DENND10: variants seen among roughly 807,000 people sequenced by gnomAD.
The protein encoded by DENND10 is DENN domain containing 10.
Under a neutral mutation model 43.6 loss-of-function variants are expected in DENND10, and 24 were observed. The ratio of observed to expected loss-of-function variants is 0.55; its 90% confidence interval spans 0.40 to 0.77. The LOEUF is 0.77. Among genes scored for constraint, DENND10 ranks in the 30% least tolerant of loss-of-function variants. The probability of loss-of-function intolerance (pLI) is 0.00; values close to 1 mark genes in which losing one functional copy is unlikely to be tolerated. For missense variants in DENND10, 303 were observed against 429.9 expected (o/e 0.70, Z 2.61); for synonymous variants, 125 against 157.6 (o/e 0.79, Z 1.55).
chr10:119,114,066 C>T (rs113998036), intron 3 of DENND10: 4 of 152,180 alleles, frequency 2.6e-5, no homozygotes, highest in Non-Finnish European at 5.9e-5. Context: ...TTGCTTCAGA[C>T]CCCACTTCCT....
At chr10:119,131,058 T>C (rs188870113) in intron 7 of DENND10, among the ~76,000 whole-genome samples, 1 of 152,356 alleles carries the variant, frequency 6.6e-6, no homozygotes, top group East Asian at 1.9e-4. Context: ...ATGGAAAATC[T>C]TTTTGAAGCA....
At chr10:119,124,662 G>C (rs1845747146) in intron 6 of DENND10, among the ~76,000 whole-genome samples, 1 of 152,084 alleles carries the variant, frequency 6.6e-6, no homozygotes, top group Admixed American at 6.6e-5. Flanking sequence ...GGGATTACAG[G>C]TGTCAGCTGC....
rs1554883524 is a variant in DENND10, at chr10:119,135,803, A to AAAAAC, written c.898-664_898-663insCAAAA. Among the ~76,000 whole-genome samples the AAAAAC allele has an allele frequency of 2.0e-5, 3 of 149,788 alleles. No individual in the cohort carries two copies. In the East Asian group the frequency reaches 5.8e-4, roughly 29 times the overall value. On this transcript the variant is annotated intron_variant, in intron 8 of 8. Transcript: ENST00000361432. ...ATGACTAAAATTGTAAAAAAAAAAA[A>AAAAAC]AAAAAAAAAAAAACCAAAACCACAC...
chr10:119,113,690 CAA>C (rs11447508), intron 3 of DENND10, among the ~76,000 whole-genome samples: 1 of 141,358 alleles, frequency 7.1e-6, no homozygotes, highest in African/African-American at 2.6e-5. Flanking sequence ...CCAAAAGAAG[CAA>C]AAAAAAAAAA....
At chr10:119,112,908 G>C (rs1845045761) in intron 3 of DENND10, among the ~76,000 whole-genome samples, 2 of 151,638 alleles carry the variant, frequency 1.3e-5, no homozygotes, top group South Asian at 4.2e-4. Flanking sequence ...GGAGTGCAGT[G>C]GGGCGATCTT....
chr10:119,123,603 C>A, intron 6 of DENND10, 34 bp downstream of exon 6: 89 of 1,183,186 alleles, frequency 7.5e-5, no homozygotes, highest in Non-Finnish European at 8.9e-5. Flanking sequence ...GGAACTGTTT[C>A]ACTTTTTTTT....
chr10:119,130,115 A>G lies in DENND10; in HGVS notation c.802+493A>G, dbSNP rs1419240567. Among the ~76,000 whole-genome samples the G allele has an allele frequency of 2.7e-5, 4 of 145,830 alleles. No individual in the cohort carries two copies. The East Asian group carries it at 8.0e-4, about 29-fold the overall frequency. ...TGCCTCCCGGGTTCAGGTGATTGTC[A>G]TGTCTCAGCCTCCCGAGTAGTTGGG... On this transcript the variant is annotated intron_variant, in intron 7 of 8. Transcript: ENST00000361432.
chr10:119,110,278 T>A (rs1226958295), intron 2 of DENND10, among the ~76,000 whole-genome samples: 1 of 151,864 alleles, frequency 6.6e-6, no homozygotes, highest in African/African-American at 2.4e-5. Context: ...ATCAAGCGAT[T>A]CTTGTGCCTC....
chr10:119,136,445 G>A (rs2133548566), intron 8 of DENND10, 26 bp from the exon 9 acceptor site: 1 of 1,586,658 alleles, frequency 6.3e-7, no homozygotes, highest in Non-Finnish European at 8.5e-7. Flanking sequence ...CTAACATGTT[G>A]CATATATTTT....
At chr10:119,104,761 T>C (rs1411295210) in intron 1 of DENND10, 1 of 152,298 alleles carries the variant, frequency 6.6e-6, no homozygotes, top group Admixed American at 6.5e-5. Context: ...TGTCTCCTTT[T>C]AGCTCTCACC....
At chr10:119,135,469 G>C (rs984366124) in intron 8 of DENND10, among the ~76,000 whole-genome samples, 3 of 152,104 alleles carry the variant, frequency 2.0e-5, no homozygotes, top group African/African-American at 2.4e-5. Context: ...CTTTTGTTGG[G>C]GGGGAGAAAA....
intron 8 of DENND10, among the ~76,000 whole-genome samples, chr10:119,135,668 G>A (rs1846295853): frequency 6.6e-6 from 1 of 151,754 alleles, no homozygotes; most frequent in Admixed American, 6.6e-5. Context: ...TGGGGTTATT[G>A]TGTAATGGGT....
rs367836571 is a variant in DENND10 at position 119,135,791 on chromosome 10, TAAAAA to T, written c.898-659_898-655del. ...TACACTCAGAAAATGACTAAAATTG[TAAAAA>T]AAAAAAAAAAAAAAAAAAAACCAAA... On this transcript the variant is annotated intron_variant, in intron 8 of 8. Transcript: ENST00000361432. Among the ~76,000 whole-genome samples the T allele has an allele frequency of 4.4e-4, 28 of 64,022 alleles. 3 individuals are homozygous for T. Among genetic ancestry groups the T allele is most frequent in the South Asian group, 1.7e-3 (2 of 1,182 alleles). 42.0% of individuals were successfully genotyped at this position (64,022 alleles called of 152,430 possible).
chr10:119,104,205 C>T lies in DENND10; in HGVS notation c.55+8C>T. On this transcript the variant is annotated splice_region_variant and intron_variant, in intron 1 of 8. Coordinates refer to ENST00000361432, the MANE Select transcript of DENND10 (RefSeq NM_207009.4). Reference sequence around the variant, plus strand: ...TTGGAGTCGGGCTGATCGGTGAGGACGTAGGCGCCCTGCCTGGAAGCCCGC... The same window carrying T: ...TTGGAGTCGGGCTGATCGGTGAGGATGTAGGCGCCCTGCCTGGAAGCCCGC... The T allele has an allele frequency of 6.6e-7, 1 of 1,513,368 alleles. No homozygotes were observed. The highest frequency in any genetic ancestry group is 8.8e-7 in the Non-Finnish European group (1 of 1,131,766). The allele number at this position is 1,513,368 out of a possible 1,614,324, so 93.7% of individuals were successfully genotyped here. A position where few individuals can be genotyped will look rare whatever the true frequency, so the allele number is the denominator to read the frequency against.
In DENND10 at chr10:119,115,382, A is replaced by ATTTTTT. The variant is rs397845392; in HGVS notation, c.333-2119_333-2114dup. On this transcript the variant is annotated intron_variant, in intron 3 of 8. Coordinates refer to ENST00000361432, the MANE Select transcript of DENND10 (RefSeq NM_207009.4). ...CGTCAAGTTGTGAATTGAATTGGTA[A>ATTTTTT]TTTTTTTTTTTTTTTTTTTTTTTGA... Among the ~76,000 whole-genome samples, 24 of 48,418 alleles carry ATTTTTT rather than the reference A, an allele frequency of 5.0e-4. 2 individuals carry two copies. The highest frequency in any genetic ancestry group is 1.6e-3 in the East Asian group (2 of 1,244). The allele number at this position is 48,418 out of a possible 152,430, so 31.8% of individuals were successfully genotyped here.
rs755089299 is a variant in DENND10 at position 119,111,869 on chromosome 10, C to T, written c.273C>T (p.Val91=). Residue 91 remains valine, a synonymous_variant, in exon 3 of 9, where the codon GTC becomes GTT. Coordinates refer to ENST00000361432, the MANE Select transcript of DENND10 (RefSeq NM_207009.4). ...ILKKVTHFSI[V]LTAKDFNPEK... ...AACAGGTGACTCATTTTTCTATTGT[C>T]CTGACCGCCAAAGATTTTAACCCAG... 6.8e-6 allele frequency: 11 copies of T among 1,613,072 alleles called. No homozygotes were observed. In the East Asian group the frequency reaches 2.5e-4, roughly 36 times the overall value.
rs781720349 is a variant in DENND10 at position 119,107,913 on chromosome 10, A to G, written c.56-55A>G. The G allele has an allele frequency of 6.4e-5, 97 of 1,518,174 alleles. 1 individual carries two copies. The South Asian group carries it at 1.0e-3, about 16-fold the overall frequency. 94.0% of individuals were successfully genotyped at this position (1,518,174 alleles called of 1,614,324 possible). ...CTAAGTGTTTCTGAGTAACCAATCAATTCACTTCCTTGCTGCTGTTTGACA... is the reference window on the plus strand; with the variant it reads ...CTAAGTGTTTCTGAGTAACCAATCAGTTCACTTCCTTGCTGCTGTTTGACA... On this transcript the variant is annotated intron_variant, in intron 1 of 8. Transcript: ENST00000361432.
At chr10:119,117,863 A>G (rs1029119275) in intron 4 of DENND10, among the ~76,000 whole-genome samples, 196 bp downstream of exon 4, 2 of 152,084 alleles carry the variant, frequency 1.3e-5, no homozygotes, top group African/African-American at 4.8e-5. Context: ...GCTACTCGGG[A>G]GGCTGAGGCA....
chr10:119,116,292 T>A (rs4752250), intron 3 of DENND10, among the ~76,000 whole-genome samples: 22 of 152,136 alleles, frequency 1.4e-4, no homozygotes, highest in Admixed American at 7.9e-4. Flanking sequence ...GAATGTCTAA[T>A]GTGCATTTAT....
Sources: allele counts gnomAD v4.1 joint callset (sites outside exome capture counted in the v4.1 genomes callset), GRCh38; gene constraint gnomAD v4.1.1; transcripts MANE v1.5; gene names NCBI Gene and HGNC (gene_info 2026-07-23, HGNC 2026-07-21).